The following PSD variants were observed in gnomAD, a reference collection of about 807,000 sequenced individuals.
The protein encoded by PSD is pleckstrin and Sec7 domain containing.
PSD carries 32 observed loss-of-function variants against 91.6 expected under a neutral mutation model. The ratio of observed to expected loss-of-function variants is 0.35; its 90% CI spans 0.26 to 0.47. PSD has a LOEUF of 0.47. PSD is among the 20% of genes least tolerant of loss of function. PSD has a pLI of 1.00. For missense variants in PSD, 1,099 were observed against 1,373.9 expected (o/e 0.80, Z 3.16); for synonymous variants, 532 against 569.3 (o/e 0.93, Z 0.93).
chr10:102,416,025 G>C lies in PSD; in HGVS notation c.749C>G (p.Pro250Arg), dbSNP rs1356668579. 6.2e-7 allele frequency: 1 copy of C among 1,612,918 alleles called. No homozygotes were observed. Among genetic ancestry groups the C allele is most frequent in the Non-Finnish European group, 8.5e-7 (1 of 1,179,454 alleles). Residue 250 changes from proline (P) to arginine (R), a missense_variant, in exon 3 of 17, where the codon CCC becomes CGC. Pro to Arg is a moderately radical substitution (Grantham distance 103). Around this residue, in one of 3 missense-constraint regions of PSD, gnomAD observed 631 missense variants for 728.8 expected, o/e 0.87. Transcript: ENST00000020673. The surrounding 1 kb of genome is among the most constrained non-coding windows in gnomAD (Gnocchi z 6.0). ...TCAGTCCCAGGCCTTACCTGAGCTGGGGGGGTCCAAGGAGCCATAGAAGAA... is the reference window on the plus strand; with the variant it reads ...TCAGTCCCAGGCCTTACCTGAGCTGCGGGGGTCCAAGGAGCCATAGAAGAA... ...WEFFYGSLDP[P>R]SSGAKPPEQA... is the part of the protein sequence containing the mutation.
intron 10 of PSD, among the ~76,000 whole-genome samples, chr10:102,407,962 T>G (rs1389602036): frequency 6.6e-6 from 1 of 152,080 alleles, no homozygotes; most frequent in Non-Finnish European, 1.5e-5. Context: ...TAGCCCAAAC[T>G]CTGTGCGATG....
Position 102,402,979 on chromosome 10 carries a change from A to G in PSD, c.*221T>C. On this transcript the variant is annotated 3_prime_UTR_variant, in exon 17 of 17. Coordinates refer to ENST00000020673, the MANE Select transcript of PSD (RefSeq NM_002779.5). ...CCCGCCCCCGCCCACCCTGTACGAA[A>G]AAGTGCAAAACATTATCACAAAAAG... The G allele has an allele frequency of 3.7e-6, 1 of 273,486 alleles. No homozygotes were observed. 16.9% of individuals were successfully genotyped at this position (273,486 alleles called of 1,614,324 possible).
chr10:102,412,312 TA>T (rs2061433160), intron 6 of PSD, 68 bp downstream of exon 6: 2 of 1,610,918 alleles, frequency 1.2e-6, no homozygotes, highest in Non-Finnish European at 1.7e-6. Flanking sequence ...CAGGGGACAT[TA>T]GATGGAGAGC....
In PSD at chr10:102,405,693, C is replaced by T. The variant is rs1341022875; in HGVS notation, c.2136-157G>A. ...ATGTCTCCCGTCTCAGATCAGGCCT[C>T]CACAATGTGTAGCTGTGCCTCCTCA... On this transcript the variant is annotated intron_variant, in intron 11 of 16. Transcript: ENST00000020673. This position sits in a 1 kb window ranked among gnomAD's most constrained non-coding sequence, Gnocchi z 5.4. The T allele has an allele frequency of 4.4e-6, 3 of 681,030 alleles. No individual in the cohort carries two copies. Among genetic ancestry groups the T allele is most frequent in the Non-Finnish European group, 7.3e-6 (3 of 409,492 alleles). 42.2% of individuals were successfully genotyped at this position (681,030 alleles called of 1,614,324 possible). A position where few individuals can be genotyped will look rare whatever the true frequency, so the allele number is the denominator to read the frequency against.
In PSD at chr10:102,404,784, C is replaced by T. The variant is rs2061340882; in HGVS notation, c.2556-57G>A. ...GGCCCAGGGTTTCTGTCCCAGGATG[C>T]CAGTCCTGGCTCAAGTGTGGCCTGA... On this transcript the variant is annotated intron_variant, in intron 14 of 16. Transcript: ENST00000020673. This position sits in a 1 kb window ranked among gnomAD's most constrained non-coding sequence, Gnocchi z 5.7. 1 of 1,555,772 alleles carries T rather than the reference C, an allele frequency of 6.4e-7. No individual in the cohort carries two copies. Among genetic ancestry groups the T allele is most frequent in the South Asian group, 1.2e-5 (1 of 81,584 alleles).
chr10:102,417,352 C>T (rs1341953612), intron 1 of PSD, among the ~76,000 whole-genome samples: 2 of 152,064 alleles, frequency 1.3e-5, no homozygotes, highest in African/African-American at 2.4e-5. Flanking sequence ...GCCTGAGGCC[C>T]TGAGCATCAC....
intron 1 of PSD, among the ~76,000 whole-genome samples, chr10:102,417,696 G>C (rs987805558): frequency 6.9e-6 from 1 of 144,036 alleles, no homozygotes; most frequent in Non-Finnish European, 1.5e-5. Context: ...GAGTGGGAAA[G>C]GGACATTCTT....
rs201151774 is a variant in PSD at position 102,416,098 on chromosome 10, G to C, written c.676C>G (p.Arg226Gly). 25 of 1,612,866 alleles carry C rather than the reference G, an allele frequency of 1.6e-5. No individual in the cohort carries two copies. In the East Asian group the frequency reaches 3.8e-4, roughly 24 times the overall value. ...CTCTGGGCATGAGAGGAGACTTCCCGGGGGGAGGACCAGGTATCCCCCTGA... is the reference window on the plus strand; with the variant it reads ...CTCTGGGCATGAGAGGAGACTTCCCCGGGGGAGGACCAGGTATCCCCCTGA... ...LNQGDTWSSP[R>G]EVSSHAQRIA... The change falls in exon 3 of 17, where the codon CGG (arginine) becomes GGG (glycine). Residue 226 changes from arginine (R) to glycine (G), a missense_variant. Physicochemically the swap from Arg to Gly is moderately radical, Grantham distance 125. Transcript: ENST00000020673. This position sits in a 1 kb window ranked among gnomAD's most constrained non-coding sequence, Gnocchi z 6.0.
upstream of PSD, chr10:102,418,972 G>A (rs2061522593): frequency 5.8e-6 from 2 of 344,994 alleles, no homozygotes; most frequent in East Asian, 7.8e-5. Context: ...AAGGAGGAGG[G>A]CGCATGGAAC....
intron 1 of PSD, among the ~76,000 whole-genome samples, chr10:102,418,083 ACACACACG>A (rs1565230785): frequency 7.1e-6 from 1 of 141,130 alleles, no homozygotes; most frequent in Non-Finnish European, 1.6e-5. Context: ...ACACACACAC[ACACACACG>A]CACACACATA....
In PSD at chr10:102,415,116, C is replaced by A; in HGVS notation, c.871G>T (p.Val291Leu). 1 of 1,613,878 alleles carries A rather than the reference C, an allele frequency of 6.2e-7. No individual in the cohort carries two copies. Among genetic ancestry groups the A allele is most frequent in the Non-Finnish European group, 8.5e-7 (1 of 1,180,034 alleles). Residue 291 changes from valine (V) to leucine (L), a missense_variant, in exon 4 of 17, where the codon GTG becomes TTG. Around this residue, in one of 3 missense-constraint regions of PSD, gnomAD observed 631 missense variants for 728.8 expected, o/e 0.87. Coordinates refer to ENST00000020673, the MANE Select transcript of PSD (RefSeq NM_002779.5). ...AKYSETDLDT[V>L]PLRCYRETDI... ...GTCTCGCGGTAGCACCTCAGGGGCA[C>A]CGTGTCCAGGTCTGTCTCGGAGTAC... is the stretch of plus-strand genomic sequence containing the variant.
chr10:102,419,610 G>A, upstream of PSD: 1 of 157,894 alleles, frequency 6.3e-6, no homozygotes, highest in Non-Finnish European at 1.4e-5. The surrounding 1 kb of genome is among the most constrained non-coding windows in gnomAD (Gnocchi z 4.8). Flanking sequence ...TGTTCGGGCA[G>A]TCAGGGGGCG....
At chr10:102,406,654 C>T (rs143328643) in intron 11 of PSD, among the ~76,000 whole-genome samples, 1,604 of 152,256 alleles carry the variant, frequency 0.011, 27 homozygotes, top group African/African-American at 0.037. Flanking sequence ...ACTACAGGTG[C>T]GTGCCACCAC....
At position 102,416,214 on chromosome 10, in the gene PSD, C is replaced by T. The variant is rs553049174; in HGVS notation, c.655-95G>A. ...CAGAAACAGAAATTAAAACATGCAT[C>T]GACAGAGATGGAGGTTCAGAGACAC... On this transcript the variant is annotated intron_variant, in intron 2 of 16. Coordinates refer to ENST00000020673, the MANE Select transcript of PSD (RefSeq NM_002779.5). The surrounding 1 kb of genome is among the most constrained non-coding windows in gnomAD (Gnocchi z 6.0). 19 of 1,208,298 alleles carry T rather than the reference C, an allele frequency of 1.6e-5. No homozygotes were observed. Among genetic ancestry groups the T allele is most frequent in the Admixed American group, 2.1e-5 (1 of 46,580 alleles). The allele number at this position is 1,208,298 out of a possible 1,614,324, so 74.8% of individuals were successfully genotyped here. A position where few individuals can be genotyped will look rare whatever the true frequency, so the allele number is the denominator to read the frequency against.
In PSD at chr10:102,409,248, C is replaced by G; in HGVS notation, c.2091+1610G>C. The G allele has an allele frequency of 2.0e-6, 2 of 984,510 alleles. No homozygotes were observed. The highest frequency in any genetic ancestry group is 1.8e-5 in the African/African-American group (1 of 57,138). 61.0% of individuals were successfully genotyped at this position (984,510 alleles called of 1,614,324 possible). ...CCGGCTCTCACGGACGCACGGAGTG[C>G]GCGGCGGCGGCGGCGGCGCTGTCTG... On this transcript the variant is annotated intron_variant, in intron 10 of 16. Transcript: ENST00000020673. The surrounding 1 kb of genome is among the most constrained non-coding windows in gnomAD (Gnocchi z 5.7).
Position 102,403,437 on chromosome 10 carries a change from C to A in PSD, c.2845-7G>T. On this transcript the variant is annotated splice_region_variant and splice_polypyrimidine_tract_variant and intron_variant, in intron 16 of 16. Transcript: ENST00000020673. The surrounding 1 kb of genome is among the most constrained non-coding windows in gnomAD (Gnocchi z 6.7). The stretch of plus-strand genomic sequence containing the variant: ...AGGTGCTGTAGCGGGATTTCTGAGG[C>A]AGAGGGGCAGGGGCTGTGAGAGCCT... 6.3e-7 allele frequency: 1 copy of A among 1,599,708 alleles called. No homozygotes were observed. Among genetic ancestry groups the A allele is most frequent in the Non-Finnish European group, 8.5e-7 (1 of 1,174,352 alleles).
chr10:102,404,697 A>G lies in PSD; in HGVS notation c.2586T>C (p.Thr862=). 1 of 1,599,122 alleles carries G rather than the reference A, an allele frequency of 6.3e-7. No homozygotes were observed. Among genetic ancestry groups the G allele is most frequent in the East Asian group, 2.2e-5 (1 of 44,770 alleles). The stretch of plus-strand genomic sequence containing the variant: ...ACATAGCGGCTACTACATTGATGCG[A>G]GTGATCCAGGACTGCATCTGCTCCA... ...PSLEQMQSWI[T]RINVVAAMFS... is the part of the protein sequence containing the mutation. Residue 862 remains threonine (T), a synonymous_variant, in exon 15 of 17, where the codon ACT becomes ACC. Transcript: ENST00000020673. This position sits in a 1 kb window ranked among gnomAD's most constrained non-coding sequence, Gnocchi z 5.7.
Position 102,415,130 on chromosome 10 carries a change from G to A in PSD, c.857C>T (p.Thr286Ile), listed in dbSNP as rs1215417423. ...AVGRAAKYSE[T>I]DLDTVPLRCY... ...CCTCAGGGGCACCGTGTCCAGGTCT[G>A]TCTCGGAGTACTTGGCTGCTCGCCC... The change falls in exon 4 of 17, where the codon ACA becomes ATA. Residue 286 changes from threonine (T) to isoleucine (I), a missense_variant. Coordinates refer to ENST00000020673, the MANE Select transcript of PSD (RefSeq NM_002779.5). 10 of 1,613,800 alleles carry A rather than the reference G, an allele frequency of 6.2e-6. No individual in the cohort carries two copies. Among genetic ancestry groups the A allele is most frequent in the Non-Finnish European group, 8.5e-6 (10 of 1,180,028 alleles).
In PSD at chr10:102,414,011, G is replaced by A. The variant is rs772109616; in HGVS notation, c.1311C>T (p.Ser437=). 1.9e-6 allele frequency: 3 copies of A among 1,614,004 alleles called. 1 individual carries two copies. The South Asian group carries it at 3.3e-5, about 18-fold the overall frequency. Residue 437 remains serine (S), a synonymous_variant, in exon 5 of 17, where the codon AGC becomes AGT. Coordinates refer to ENST00000020673, the MANE Select transcript of PSD (RefSeq NM_002779.5). The surrounding 1 kb of genome is among the most constrained non-coding windows in gnomAD (Gnocchi z 5.6). Reference sequence around the variant, plus strand: ...GAGGCAGCTCAAAGGTGAAGAAGGGGCTCTGGGTTGGGCCAGGTGAGGCCA... The same window carrying A: ...GAGGCAGCTCAAAGGTGAAGAAGGGACTCTGGGTTGGGCCAGGTGAGGCCA... The part of the protein sequence containing the change: ...EALASPGPTQ[S]PFFTFELPPQ...
Sources: gnomAD v4.1 joint callset for allele counts (sites outside exome capture counted in the v4.1 genomes callset) on GRCh38, gnomAD v4.1.1 for gene constraint, gnomAD v4.1.1 regional missense constraint, Gnocchi (gnomAD v3.1) non-coding constraint, MANE v1.5 for transcripts, NCBI Gene and HGNC (gene_info 2026-07-23, HGNC 2026-07-21) for gene names.